Variants in CCDC144A observed in about 807,000 individuals in gnomAD.
CCDC144A encodes the protein coiled-coil domain-containing protein 144A.
Under a neutral mutation model 143.8 loss-of-function variants are expected in CCDC144A, and 41 were observed. The observed-to-expected ratio is 0.29, with a 90% CI of 0.22 to 0.37. CCDC144A has a LOEUF of 0.37. Among genes scored for constraint, CCDC144A ranks in the 10% least tolerant of loss-of-function variants. The pLI, the probability that CCDC144A is intolerant of heterozygous loss-of-function variation, is 1.00. For missense variants in CCDC144A, 637 were observed against 1,488.8 expected (o/e 0.43, Z 9.41); for synonymous variants, 242 against 517.9 (o/e 0.47, Z 7.23).
Position 16,735,392 on chromosome 17 carries a change from A to G in CCDC144A, c.3121A>G (p.Arg1041Gly). The G allele has an allele frequency of 6.3e-7, 1 of 1,599,608 alleles. No individual in the cohort carries two copies. The highest frequency in any genetic ancestry group is 8.6e-7 in the Non-Finnish European group (1 of 1,167,432). The change falls in exon 12 of 17, where the codon AGA (arginine) becomes GGA (glycine). Residue 1041 changes from arginine to glycine, a missense_variant. Arg to Gly is a moderately radical substitution (Grantham distance 125). Transcript: ENST00000399273. Reference protein sequence around the residue: ...YIAKQESVEERLSQLQSENML... With the variant: ...YIAKQESVEEGLSQLQSENML... ...TGCCAAGCAGGAATCTGTAGAGGAG[A>G]GATTATCTCAACTACAAAGTGAAAA... is the stretch of plus-strand genomic sequence containing the variant.
At chr17:16,682,883 GTTTTTTTTTTTTTTT>G in the CCDC144A span, among the ~76,000 whole-genome samples, 97 of 46,446 alleles carry the variant, frequency 2.1e-3, no homozygotes, top group East Asian at 4.9e-3. Flanking sequence ...TGGATTCTCT[GTTTTTTTTTTTTTTT>G]TTTTTTTTTT....
At chr17:16,716,207 C>T (rs370457077) in intron 6 of CCDC144A, among the ~76,000 whole-genome samples, 3,979 of 152,096 alleles carry the variant, frequency 0.026, 94 homozygotes, top group African/African-American at 0.058. Context: ...CAGAAGAATT[C>T]GCTACATAGT....
chr17:16,721,029 C>T (rs2656476), intron 8 of CCDC144A, among the ~76,000 whole-genome samples: 11 of 152,104 alleles, frequency 7.2e-5, no homozygotes, highest in African/African-American at 1.7e-4. Flanking sequence ...TTTAAAAATT[C>T]GGATCTGATC....
At chr17:16,682,905 T>G in the CCDC144A span, among the ~76,000 whole-genome samples, 94 of 124,354 alleles carry the variant, frequency 7.6e-4, no homozygotes, top group East Asian at 4.7e-3. Flanking sequence ...TTTTTTTTTT[T>G]TTTTTTTTTT....
chr17:16,746,824 G>C (rs1304543045), intron 12 of CCDC144A: 2 of 1,167,940 alleles, frequency 1.7e-6, no homozygotes, highest in African/African-American at 3.0e-5. Flanking sequence ...AAAAGGCACC[G>C]CGTACCGCGC....
At chr17:16,749,000 C>A (rs200627871) in intron 12 of CCDC144A, among the ~76,000 whole-genome samples, 9 of 133,134 alleles carry the variant, frequency 6.8e-5, no homozygotes, top group East Asian at 4.8e-4. Flanking sequence ...ATTTATTTAT[C>A]TAGCTAGTAG....
At chr17:16,729,342 G>A (rs1225499648) in intron 9 of CCDC144A, among the ~76,000 whole-genome samples, 1 of 152,148 alleles carries the variant, frequency 6.6e-6, no homozygotes, top group Non-Finnish European at 1.5e-5. Context: ...GAATGTTAGT[G>A]CTGTTGAGCA....
At position 16,773,187 on chromosome 17, in the gene CCDC144A, G is replaced by A. The variant is rs559433017; in HGVS notation, c.4142-310G>A. Among the ~76,000 whole-genome samples the A allele has an allele frequency of 5.5e-3, 840 of 152,044 alleles. 5 individuals are homozygous for A. The highest frequency in any genetic ancestry group is 0.019 in the African/African-American group (795 of 41,394). ...TCTTTGGCCAGGCATGTTGGCTCAC[G>A]TTTGTAGTCCCAGCACTTTGGGAGC... is the stretch of plus-strand genomic sequence containing the variant. On this transcript the variant is annotated intron_variant, in intron 16 of 16. Transcript: ENST00000399273.
At chr17:16,708,033 T>C (rs1236922105) in intron 4 of CCDC144A, among the ~76,000 whole-genome samples, 1 of 152,114 alleles carries the variant, frequency 6.6e-6, no homozygotes, top group Non-Finnish European at 1.5e-5. Context: ...AGTGGGGTTA[T>C]GAAATCAACC....
intron 9 of CCDC144A, among the ~76,000 whole-genome samples, chr17:16,730,076 T>C (rs1913668710): frequency 7.5e-6 from 1 of 133,984 alleles, no homozygotes; most frequent in African/African-American, 2.9e-5. Context: ...TGGGCTCAAG[T>C]CATTCTCCTG....
intron 8 of CCDC144A, among the ~76,000 whole-genome samples, chr17:16,726,581 C>G (rs1336293434): frequency 6.6e-6 from 1 of 151,712 alleles, no homozygotes; most frequent in Non-Finnish European, 1.5e-5. Flanking sequence ...TGCGAAGTCT[C>G]AGTTTTCCCA....
chr17:16,748,580 A>C (rs542889615), intron 12 of CCDC144A, among the ~76,000 whole-genome samples: 6 of 152,284 alleles, frequency 3.9e-5, no homozygotes, highest in African/African-American at 1.4e-4. Flanking sequence ...GCTGGCTTTT[A>C]GTATCAAGAT....
rs906203626 is a variant in CCDC144A at position 16,719,612 on chromosome 17, C to A, written c.1716-586C>A. ...AGGACAGTCACTTGGCCCTTCTGTG[C>A]CTATTTTCTTTCTTTATAAAATTCT... On this transcript the variant is annotated intron_variant, in intron 6 of 16. Transcript: ENST00000399273. 4.6e-5 allele frequency among the ~76,000 whole-genome samples: 7 copies of A among 152,160 alleles called. 1 individual carries two copies. The South Asian group carries it at 8.3e-4, about 18-fold the overall frequency.
In CCDC144A at chr17:16,690,442, G is replaced by A; in HGVS notation, c.42G>A (p.Gly14=). The A allele has an allele frequency of 1.9e-6, 3 of 1,606,418 alleles. No homozygotes were observed. The highest frequency in any genetic ancestry group is 2.6e-6 in the Non-Finnish European group (3 of 1,175,396). ...GAGAAAAGCGGGGAGGGGCTGAGGG[G>A]TCTCCGAAGCCGGCAGTCTACGCCA... ...WGGEKRGGAE[G]SPKPAVYATR... The change falls in exon 1 of 17, where the codon GGG becomes GGA. Residue 14 remains glycine (G), a synonymous_variant. Transcript: ENST00000399273.
chr17:16,735,792 T>C (rs1458051800), intron 12 of CCDC144A, 149 bp downstream of exon 12: 1 of 692,182 alleles, frequency 1.4e-6, no homozygotes, highest in Non-Finnish European at 2.4e-6. Flanking sequence ...AATGTACCAG[T>C]GAAAAAGAAG....
chr17:16,686,091 G>GTTTTTTTTTTT (rs67135656), upstream of CCDC144A, among the ~76,000 whole-genome samples: 4 of 114,726 alleles, frequency 3.5e-5, no homozygotes, highest in Non-Finnish European at 5.5e-5. Context: ...TGTTTTTTTT[G>GTTTTTTTTTTT]TTTTTTTTTT....
chr17:16,752,373 A>G (rs953215711), intron 12 of CCDC144A, among the ~76,000 whole-genome samples: 4 of 152,146 alleles, frequency 2.6e-5, no homozygotes, highest in Non-Finnish European at 4.4e-5. Flanking sequence ...CTGGTGCCAG[A>G]AAGGTTGGGG....
In CCDC144A at chr17:16,690,540, C is replaced by T. The variant is rs562771471; in HGVS notation, c.140C>T (p.Ser47Leu). Residue 47 changes from serine (S) to leucine (L), a missense_variant, in exon 1 of 17, where the codon TCG (serine) becomes TTG (leucine). Coordinates refer to ENST00000399273, the MANE Select transcript of CCDC144A (RefSeq NM_001382000.1). ...GGCTACCCGGGGGACCAGTGGTCCT[C>T]GGGCTTCCCCTACAGCTGGTGGAAA... is the stretch of plus-strand genomic sequence containing the variant. ...YLGYPGDQWS[S>L]GFPYSWWKNS... 3.3e-5 allele frequency: 54 copies of T among 1,613,376 alleles called. No individual in the cohort carries two copies. Among genetic ancestry groups the T allele is most frequent in the Admixed American group, 2.3e-4 (14 of 59,966 alleles).
chr17:16,717,449 ACTTT>A lies in CCDC144A; in HGVS notation c.1716-2744_1716-2741del, dbSNP rs1395190964. Among the ~76,000 whole-genome samples, 29 of 152,054 alleles carry A rather than the reference ACTTT, an allele frequency of 1.9e-4. 1 individual carries two copies. Among genetic ancestry groups the A allele is most frequent in the Admixed American group, 6.6e-4 (10 of 15,260 alleles). On this transcript the variant is annotated intron_variant, in intron 6 of 16. Transcript: ENST00000399273. Reference sequence around the variant, plus strand: ...AGTGTGGCATTCATCTTCCATTCTTACTTTCTTTGTGTTTTACACTTTTCCTTTC... The same window carrying A: ...AGTGTGGCATTCATCTTCCATTCTTACTTTGTGTTTTACACTTTTCCTTTC...
Sources: gnomAD v4.1 joint callset for allele counts (sites outside exome capture counted in the v4.1 genomes callset) on GRCh38, gnomAD v4.1.1 for gene constraint, MANE v1.5 for transcripts, NCBI Gene and HGNC (gene_info 2026-07-23, HGNC 2026-07-21) for gene names.